Variants in CLCN1 observed in about 807,000 individuals in gnomAD.
The protein encoded by CLCN1 is chloride voltage-gated channel 1, also known as chloride channel protein 1.
In CLCN1, 100 loss-of-function variants were observed where a neutral mutation model predicts 114.5. The ratio of observed to expected loss-of-function variants is 0.87; its 90% confidence interval spans 0.74 to 1.03. The LOEUF (loss-of-function observed/expected upper bound fraction) is 1.03, where lower values mean the gene tolerates loss of function less well. Ranked by LOEUF, CLCN1 falls within the 50% of genes least tolerant of loss-of-function variation. CLCN1 has a pLI of 0.00. For synonymous variants in CLCN1, 485 were observed against 487.1 expected (o/e 1.00, Z 0.06); for missense variants, 1,188 against 1,250.0 (o/e 0.95, Z 0.75).
intron 1 of CLCN1, among the ~76,000 whole-genome samples, chr7:143,318,156 T>C (rs1802335874): frequency 1.3e-5 from 2 of 152,182 alleles, no homozygotes; most frequent in African/African-American, 2.4e-5. Flanking sequence ...TATTGTTCCA[T>C]CTATTCTTCC....
At chr7:143,346,993 AT>A in intron 20 of CLCN1, 44 bp downstream of exon 20, 1 of 1,505,068 alleles carries the variant, frequency 6.6e-7, no homozygotes. Context: ...GTTCTATCAA[AT>A]GAAGATATTG....
chr7:143,336,604 C>CAAAAAA (rs573516521), intron 12 of CLCN1, among the ~76,000 whole-genome samples: 7 of 80,286 alleles, frequency 8.7e-5, no homozygotes, highest in South Asian at 4.8e-4. Flanking sequence ...AAGACTCTGT[C>CAAAAAA]AAAAAAAAAA....
intron 12 of CLCN1, among the ~76,000 whole-genome samples, chr7:143,336,957 G>A (rs1802921016): frequency 6.6e-6 from 1 of 152,132 alleles, no homozygotes; most frequent in East Asian, 1.9e-4. Context: ...TGGCTTTTAT[G>A]TACTTATTTC....
rs574104250 is a variant in CLCN1, at chr7:143,351,813, C to T, written c.2815C>T (p.Pro939Ser). 5.6e-6 allele frequency: 9 copies of T among 1,613,982 alleles called. No homozygotes were observed. The highest frequency in any genetic ancestry group is 4.0e-5 in the African/African-American group (3 of 74,920). The part of the protein sequence containing the change: ...TPVPSPSPEP[P>S]LSLAPGKVEG... ...TGTGCCATCTCCTTCCCCAGAGCCC[C>T]CTCTCTCCCTGGCCCCAGGCAAGGT... The change falls in exon 23 of 23, where the codon CCT becomes TCT. Residue 939 changes from proline (P) to serine (S), a missense_variant. Physicochemically the swap from Pro to Ser is moderately conservative, Grantham distance 74 (BLOSUM62 -1). Coordinates refer to ENST00000343257, the MANE Select transcript of CLCN1 (RefSeq NM_000083.3).
chr7:143,338,415 G>GGTGGTTCT (rs1802972592), intron 12 of CLCN1, among the ~76,000 whole-genome samples: 1 of 151,910 alleles, frequency 6.6e-6, no homozygotes, highest in Non-Finnish European at 1.5e-5. Context: ...TCACCATATA[G>GGTGGTTCT]ATGGTTCTAT....
Position 143,321,884 on chromosome 7 carries a change from G to T in CLCN1, c.696+36G>T. The T allele has an allele frequency of 6.2e-7, 1 of 1,609,306 alleles. No individual in the cohort carries two copies. On this transcript the variant is annotated intron_variant, in intron 5 of 22. Transcript: ENST00000343257. The surrounding 1 kb of genome is among the most constrained non-coding windows in gnomAD (Gnocchi z 4.2). ...CATGACTGAAGCCAGAGCTGGGAGG[G>T]GCCCTCAGGAGCCAGGGTGGCACCA...
rs778966411 is a variant in CLCN1 at position 143,322,523 on chromosome 7, TTTG to T, written c.696+691_696+693del. On this transcript the variant is annotated intron_variant, in intron 5 of 22. Transcript: ENST00000343257. Reference sequence around the variant, plus strand: ...TGCCTCTTAAAACAAAATTGAAAGTTTTGTTGTTGTTGTTGTTGAGACAGTGTC... The same window carrying T: ...TGCCTCTTAAAACAAAATTGAAAGTTTTGTTGTTGTTGTTGAGACAGTGTC... 9.9e-5 allele frequency among the ~76,000 whole-genome samples: 15 copies of T among 152,208 alleles called. No individual in the cohort carries two copies. In the East Asian group the frequency reaches 2.1e-3, roughly 22 times the overall value.
intron 2 of CLCN1, 55 bp from the exon 3 acceptor site, chr7:143,320,605 TTTTG>T (rs764855488): frequency 2.6e-4 from 343 of 1,343,776 alleles, no homozygotes; most frequent in Middle Eastern, 1.1e-3. Flanking sequence ...ATATATATAT[TTTTG>T]TTTGTTTGTT....
intron 5 of CLCN1, among the ~76,000 whole-genome samples, 168 bp from the exon 6 acceptor site, chr7:143,323,141 T>A (rs1802484776): frequency 6.6e-6 from 1 of 152,084 alleles, no homozygotes; most frequent in Admixed American, 6.5e-5. Context: ...TGGTTTCTCC[T>A]CTTCTTCCTC....
chr7:143,326,263 C>A (rs867630245), intron 7 of CLCN1, among the ~76,000 whole-genome samples: 1 of 151,712 alleles, frequency 6.6e-6, no homozygotes, highest in East Asian at 1.9e-4. Flanking sequence ...AGTGATCCGC[C>A]CACCTTGGCC....
Position 143,339,581 on chromosome 7 carries a change from C to T in CLCN1, c.1542C>T (p.Asp514=). 6.2e-7 allele frequency: 1 copy of T among 1,613,442 alleles called. No individual in the cohort carries two copies. Among genetic ancestry groups the T allele is most frequent in the Non-Finnish European group, 8.5e-7 (1 of 1,179,408 alleles). ...MLFPDGILFD[D]IIYKILPGGY... The stretch of plus-strand genomic sequence containing the variant: ...TTCCTGATGGTATTTTGTTTGATGA[C>T]ATCATCTACAAGATCCTACCTGGGG... The change falls in exon 14 of 23, where the codon GAC becomes GAT. Residue 514 remains aspartate, a synonymous_variant. Coordinates refer to ENST00000343257, the MANE Select transcript of CLCN1 (RefSeq NM_000083.3). The surrounding 1 kb of genome is among the most constrained non-coding windows in gnomAD (Gnocchi z 4.1).
rs749586754 is a variant in CLCN1, at chr7:143,350,362, T to G, written c.2404-10T>G. On this transcript the variant is annotated splice_polypyrimidine_tract_variant and intron_variant, in intron 20 of 22. Transcript: ENST00000343257. The surrounding 1 kb of genome is among the most constrained non-coding windows in gnomAD (Gnocchi z 5.1). Reference sequence around the variant, plus strand: ...TGTGATTTTCGTGACTTTCCTCCTCTGGCTGACAGATTGAGGCCTGGGAGC... The same window carrying G: ...TGTGATTTTCGTGACTTTCCTCCTCGGGCTGACAGATTGAGGCCTGGGAGC... 3 of 1,612,154 alleles carry G rather than the reference T, an allele frequency of 1.9e-6. No homozygotes were observed.
intron 7 of CLCN1, among the ~76,000 whole-genome samples, chr7:143,325,856 C>T (rs1802559104): frequency 6.6e-6 from 1 of 152,096 alleles, no homozygotes; most frequent in Non-Finnish European, 1.5e-5. Flanking sequence ...TCTGAAACCA[C>T]TGTGGTAGAA....
In CLCN1 at chr7:143,339,631, A is replaced by T; in HGVS notation, c.1582+10A>T. ...GGCTATGCAGTAATTGGTGAGAAAC[A>T]TTCCCACTTCCCTGTAATCAAACAT... On this transcript the variant is annotated intron_variant, in intron 14 of 22. Coordinates refer to ENST00000343257, the MANE Select transcript of CLCN1 (RefSeq NM_000083.3). The surrounding 1 kb of genome is among the most constrained non-coding windows in gnomAD (Gnocchi z 4.1). 6.7e-7 allele frequency: 1 copy of T among 1,497,038 alleles called. No homozygotes were observed. Among genetic ancestry groups the T allele is most frequent in the Non-Finnish European group, 9.3e-7 (1 of 1,073,174 alleles). 92.7% of individuals were successfully genotyped at this position (1,497,038 alleles called of 1,614,324 possible). A position where few individuals can be genotyped will look rare whatever the true frequency, so the allele number is the denominator to read the frequency against.
intron 12 of CLCN1, among the ~76,000 whole-genome samples, chr7:143,336,337 A>C (rs923892081): frequency 6.6e-6 from 1 of 151,946 alleles, no homozygotes; most frequent in Admixed American, 6.6e-5. Flanking sequence ...GAAGAAAAAA[A>C]AAAAAAAGCT....
intron 7 of CLCN1, among the ~76,000 whole-genome samples, chr7:143,329,531 C>T (rs945204226): frequency 3.3e-5 from 5 of 152,150 alleles, no homozygotes; most frequent in Non-Finnish European, 7.3e-5. Context: ...CCTGATGTAA[C>T]TAGTCGACTG....
At position 143,323,386 on chromosome 7, in the gene CLCN1, G is replaced by C. The variant is rs770605959; in HGVS notation, c.774G>C (p.Glu258Asp). 2 of 1,609,710 alleles carry C rather than the reference G, an allele frequency of 1.2e-6. No individual in the cohort carries two copies. ...TGTCTGTGTTCTGCGGGGTATATGAGGTAAGGTTGAGACAGTGAAATGAGC... is the reference window on the plus strand; with the variant it reads ...TGTCTGTGTTCTGCGGGGTATATGACGTAAGGTTGAGACAGTGAAATGAGC... The part of the protein sequence containing the change: ...KFMSVFCGVY[E>D]QPYYYSDILT... The change falls in exon 6 of 23, where the codon GAG (glutamate) becomes GAC (aspartate). Residue 258 changes from glutamate (E) to aspartate (D), a missense_variant and splice_region_variant. Coordinates refer to ENST00000343257, the MANE Select transcript of CLCN1 (RefSeq NM_000083.3).
chr7:143,330,808 T>C lies in CLCN1; in HGVS notation c.890T>C (p.Phe297Ser). The C allele has an allele frequency of 6.2e-7, 1 of 1,614,174 alleles. No homozygotes were observed. Among genetic ancestry groups the C allele is most frequent in the Non-Finnish European group, 8.5e-7 (1 of 1,180,026 alleles). The change falls in exon 8 of 23, where the codon TTT becomes TCT. Residue 297 changes from phenylalanine (F) to serine (S), a missense_variant. By Grantham distance (155) the Phe-to-Ser change is radical (BLOSUM62 -2). Coordinates refer to ENST00000343257, the MANE Select transcript of CLCN1 (RefSeq NM_000083.3). Reference protein sequence around the residue: ...LFSIEVTSTYFAVRNYWRGFF... With the variant: ...LFSIEVTSTYSAVRNYWRGFF... ...AGCATCGAGGTCACCTCCACCTACT[T>C]TGCTGTTCGGAACTACTGGAGAGGA...
intron 7 of CLCN1, among the ~76,000 whole-genome samples, chr7:143,326,416 C>T (rs1462305132): frequency 6.6e-6 from 1 of 152,182 alleles, no homozygotes; most frequent in Non-Finnish European, 1.5e-5. Flanking sequence ...AAATGACAAG[C>T]ATCTTGCTCC....
Sources: gnomAD v4.1 joint callset for allele counts (sites outside exome capture counted in the v4.1 genomes callset) on GRCh38, gnomAD v4.1.1 for gene constraint, Gnocchi (gnomAD v3.1) non-coding constraint, MANE v1.5 for transcripts, NCBI Gene and HGNC (gene_info 2026-07-23, HGNC 2026-07-21) for gene names.